Variants in MMD2 observed in about 807,000 individuals in gnomAD.
MMD2 encodes monocyte to macrophage differentiation associated 2.
MMD2 carries 30 observed loss-of-function variants against 33.5 expected under a neutral mutation model. The ratio of observed to expected loss-of-function variants is 0.90; its 90% confidence interval spans 0.67 to 1.22. The LOEUF (loss-of-function observed/expected upper bound fraction) is 1.22. MMD2 is among the 50% of genes most tolerant of loss of function. The pLI is 0.00. For missense variants in MMD2, 364 were observed against 325.4 expected (o/e 1.12, Z -0.91); for synonymous variants, 129 against 123.0 (o/e 1.05, Z -0.32).
At chr7:4,917,844 C>A (rs894545822) in intron 3 of MMD2, among the ~76,000 whole-genome samples, 1 of 152,036 alleles carries the variant, frequency 6.6e-6, no homozygotes, top group Non-Finnish European at 1.5e-5. Context: ...TGAGTCAAGC[C>A]CCTAGTATTC....
chr7:4,916,595 C>G (rs1785150664), intron 3 of MMD2, among the ~76,000 whole-genome samples: 1 of 151,966 alleles, frequency 6.6e-6, no homozygotes, highest in Non-Finnish European at 1.5e-5. Flanking sequence ...GTTGGCCAGA[C>G]TGGTCTCAAA....
intron 1 of MMD2, among the ~76,000 whole-genome samples, chr7:4,945,277 TTTTC>T (rs1210622148): frequency 6.2e-5 from 9 of 144,114 alleles, no homozygotes; most frequent in African/African-American, 2.3e-4. Context: ...CTTTCTTTTT[TTTTC>T]TTTTTTTGAG....
intron 1 of MMD2, among the ~76,000 whole-genome samples, chr7:4,939,432 G>T (rs1785840746): frequency 6.6e-6 from 1 of 151,560 alleles, no homozygotes; most frequent in Admixed American, 6.6e-5. Context: ...GGGCTCAGCT[G>T]CCCAGGAGGC....
intron 1 of MMD2, 71 bp downstream of exon 1, chr7:4,958,900 G>A: frequency 8.1e-7 from 1 of 1,239,616 alleles, no homozygotes; most frequent in Middle Eastern, 3.1e-4. Context: ...GAGAACCAAG[G>A]TGGCCTCCGC....
chr7:4,919,156 A>G (rs80230371), intron 3 of MMD2, among the ~76,000 whole-genome samples: 2 of 152,078 alleles, frequency 1.3e-5, no homozygotes, highest in African/African-American at 4.8e-5. Flanking sequence ...GCATTGCAGA[A>G]TTATTAGAAA....
rs1784864556 is a variant in MMD2, at chr7:4,906,257, G to A, written c.*1139C>T. 2.6e-6 allele frequency: 1 copy of A among 378,012 alleles called. No homozygotes were observed. Among genetic ancestry groups the A allele is most frequent in the Non-Finnish European group, 4.7e-6 (1 of 213,338 alleles). The allele number at this position is 378,012 out of a possible 1,614,324, so 23.4% of individuals were successfully genotyped here. ...TGTCCAGGCAGCATTGGACAGAGAG[G>A]CTGGCCCCGCCCTGACGGGGGCTGA... On this transcript the variant is annotated 3_prime_UTR_variant, in exon 7 of 7. Transcript: ENST00000401401.
chr7:4,942,089 G>A (rs1583393226), intron 1 of MMD2, among the ~76,000 whole-genome samples: 1 of 152,054 alleles, frequency 6.6e-6, no homozygotes, highest in East Asian at 2.0e-4. Flanking sequence ...GAGTACCTGG[G>A]ACTACAGGCA....
At chr7:4,908,621 C>T (rs763029305) in intron 6 of MMD2, among the ~76,000 whole-genome samples, 13 of 151,838 alleles carry the variant, frequency 8.6e-5, no homozygotes, top group South Asian at 2.1e-4. Context: ...AGCTCAAGGC[C>T]GGGCACGGTG....
At chr7:4,916,689 C>T (rs1562478940) in intron 3 of MMD2, among the ~76,000 whole-genome samples, 1 of 151,982 alleles carries the variant, frequency 6.6e-6, no homozygotes, top group Non-Finnish European at 1.5e-5. Context: ...GGCCATCCTC[C>T]CCTACTTTAA....
At chr7:4,954,754 CT>C (rs934743252) in intron 1 of MMD2, among the ~76,000 whole-genome samples, 1 of 152,020 alleles carries the variant, frequency 6.6e-6, no homozygotes, top group Non-Finnish European at 1.5e-5. Context: ...GTTCATCAAT[CT>C]TTTTTTTATG....
intron 1 of MMD2, among the ~76,000 whole-genome samples, chr7:4,932,347 C>G (rs1785611029): frequency 6.6e-6 from 1 of 152,134 alleles, no homozygotes; most frequent in Non-Finnish European, 1.5e-5. Context: ...GACCTCATTT[C>G]TTTCCTCCCT....
downstream of MMD2, among the ~76,000 whole-genome samples, chr7:4,902,655 T>C (rs906749456): frequency 2.0e-5 from 3 of 152,184 alleles, no homozygotes; most frequent in Non-Finnish European, 4.4e-5. Flanking sequence ...AGCATGCTCA[T>C]TGGAAGTGGG....
In MMD2 at chr7:4,906,414, T is replaced by C. The variant is rs912741422; in HGVS notation, c.*982A>G. On this transcript the variant is annotated 3_prime_UTR_variant, in exon 7 of 7. Coordinates refer to ENST00000401401, the MANE Select transcript of MMD2 (RefSeq NM_198403.4). ...CTGAGTAGCCTCTAACAGCCACTGA[T>C]TGGCACCAAGAGAGAATCCAAATGT... The C allele has an allele frequency of 5.0e-6, 2 of 398,372 alleles. No individual in the cohort carries two copies. The highest frequency in any genetic ancestry group is 8.8e-6 in the Non-Finnish European group (2 of 226,032). 24.7% of individuals were successfully genotyped at this position (398,372 alleles called of 1,614,324 possible).
intron 1 of MMD2, among the ~76,000 whole-genome samples, chr7:4,935,904 G>T (rs1219271041): frequency 1.3e-5 from 2 of 152,012 alleles, no homozygotes; most frequent in Non-Finnish European, 2.9e-5. Context: ...AAAATTTTGG[G>T]CCGGGCGCGA....
At chr7:4,916,166 G>T (rs1785137662) in intron 3 of MMD2, 87 bp from the exon 4 acceptor site, 3 of 1,294,492 alleles carry the variant, frequency 2.3e-6, no homozygotes, top group Admixed American at 1.8e-5. Flanking sequence ...GACTGATCGT[G>T]CCTGCCTACA....
chr7:4,941,238 C>A (rs934371107), intron 1 of MMD2, among the ~76,000 whole-genome samples: 1 of 152,214 alleles, frequency 6.6e-6, no homozygotes, highest in African/African-American at 2.4e-5. Context: ...CCCAGAGATT[C>A]CTGTGACATC....
chr7:4,893,893 A>C, the MMD2 span, among the ~76,000 whole-genome samples: 1 of 152,142 alleles, frequency 6.6e-6, no homozygotes, highest in African/African-American at 2.4e-5. Flanking sequence ...AATTAGTGTA[A>C]GCATTGAGGA....
At position 4,940,258 on chromosome 7, in the gene MMD2, C is replaced by T. The variant is rs560610555; in HGVS notation, c.48-14726G>A. 3.1e-4 allele frequency among the ~76,000 whole-genome samples: 47 copies of T among 152,270 alleles called. No individual in the cohort carries two copies. Among genetic ancestry groups the T allele is most frequent in the Non-Finnish European group, 5.6e-4 (38 of 68,026 alleles). On this transcript the variant is annotated intron_variant, in intron 1 of 6. Transcript: ENST00000401401. The surrounding 1 kb of genome is among the most constrained non-coding windows in gnomAD (Gnocchi z 5.0). ...CCTCCGAAGTCTGGCAGGAGCCAGG[C>T]CCAGTCTCAGAGCTCAGCTTCTGCA...
At chr7:4,944,603 G>C (rs1785999753) in intron 1 of MMD2, among the ~76,000 whole-genome samples, 1 of 152,118 alleles carries the variant, frequency 6.6e-6, no homozygotes, top group South Asian at 2.1e-4. Context: ...AGTCCAGCCC[G>C]GCCAGTGGCC....
Sources: allele counts gnomAD v4.1 joint callset (sites outside exome capture counted in the v4.1 genomes callset), GRCh38; gene constraint gnomAD v4.1.1; non-coding constraint Gnocchi (gnomAD v3.1); transcripts MANE v1.5; gene names NCBI Gene and HGNC (gene_info 2026-07-23, HGNC 2026-07-21).